Variants in NCAM2 observed in about 807,000 individuals in gnomAD.
NCAM2 encodes the protein neural cell adhesion molecule 2.
A neutral mutation model predicts 98.1 loss-of-function variants in NCAM2; 30 were observed. The ratio of observed to expected loss-of-function variants is 0.31; its 90% CI spans 0.23 to 0.41. NCAM2 has a LOEUF of 0.41. NCAM2 is among the 10% of genes least tolerant of loss of function. The pLI is 1.00. For missense variants in NCAM2, 867 were observed against 1,005.8 expected (o/e 0.86, Z 1.87); for synonymous variants, 368 against 342.4 (o/e 1.07, Z -0.83).
intron 1 of NCAM2, among the ~76,000 whole-genome samples, chr21:21,194,692 T>G (rs1012799176): frequency 1.3e-5 from 2 of 152,176 alleles, no homozygotes; most frequent in Non-Finnish European, 2.9e-5. Context: ...TTTTATTTTG[T>G]ATTTTTAAAT....
chr21:21,187,610 G>A (rs1261709867), intron 1 of NCAM2, among the ~76,000 whole-genome samples: 8 of 152,160 alleles, frequency 5.3e-5, no homozygotes, highest in African/African-American at 1.9e-4. Context: ...TAAAGGAACA[G>A]TTAAATAAAT....
In NCAM2 at chr21:21,152,658, G is replaced by T. The variant is rs138379721; in HGVS notation, c.56-127920G>T. The stretch of plus-strand genomic sequence containing the variant: ...TACTTCACCGTTTTGGGTTTTTTGG[G>T]GTCTGTATTGAATATTCCAGTTACT... On this transcript the variant is annotated intron_variant, in intron 1 of 17. Transcript: ENST00000400546. Among the ~76,000 whole-genome samples the T allele has an allele frequency of 3.4e-3, 517 of 151,722 alleles. 3 individuals carry two copies. Among genetic ancestry groups the T allele is most frequent in the Non-Finnish European group, 4.8e-3 (323 of 67,818 alleles).
intron 13 of NCAM2, among the ~76,000 whole-genome samples, chr21:21,467,424 CTT>C (rs1315875619): frequency 7.7e-5 from 10 of 130,490 alleles, no homozygotes; most frequent in African/African-American, 2.9e-4. Flanking sequence ...ATATATATAT[CTT>C]TTTATATATA....
At chr21:21,249,548 A>T (rs1046014618) in intron 1 of NCAM2, among the ~76,000 whole-genome samples, 2 of 152,168 alleles carry the variant, frequency 1.3e-5, no homozygotes, top group Non-Finnish European at 2.9e-5. Context: ...GCCACCGTGT[A>T]CTTCAGTCAA....
intron 1 of NCAM2, among the ~76,000 whole-genome samples, chr21:21,101,165 C>T (rs144291870): frequency 9.1e-4 from 139 of 151,924 alleles, no homozygotes; most frequent in African/African-American, 2.7e-3. Context: ...TAATTTTCAC[C>T]TTAGATTTAT....
chr21:21,270,134 A>G (rs562487011), intron 1 of NCAM2, among the ~76,000 whole-genome samples: 13 of 152,276 alleles, frequency 8.5e-5, no homozygotes, highest in African/African-American at 2.6e-4. Flanking sequence ...ATCTTACACT[A>G]TGTTCTATGT....
intron 1 of NCAM2, among the ~76,000 whole-genome samples, chr21:21,228,172 G>T (rs73316755): frequency 0.019 from 2,941 of 151,614 alleles, 96 homozygotes; most frequent in African/African-American, 0.067. Context: ...GCCAATTATG[G>T]TCTCACTAGT....
chr21:21,196,707 A>T (rs2092678017), intron 1 of NCAM2, among the ~76,000 whole-genome samples: 1 of 152,188 alleles, frequency 6.6e-6, no homozygotes, highest in African/African-American at 2.4e-5. Flanking sequence ...CCTCTGAAAA[A>T]TCAAATTTAA....
chr21:21,187,379 C>A (rs1465112648), intron 1 of NCAM2, among the ~76,000 whole-genome samples: 1 of 152,076 alleles, frequency 6.6e-6, no homozygotes, highest in African/African-American at 2.4e-5. Context: ...GCACCACATA[C>A]TTTTTAACGT....
intron 1 of NCAM2, among the ~76,000 whole-genome samples, chr21:21,268,710 AGGGATG>A (rs1026161018): frequency 1.1e-4 from 16 of 152,320 alleles, no homozygotes; most frequent in Admixed American, 1.0e-3. Context: ...TCATCGGAGA[AGGGATG>A]GACTGTTTGT....
At chr21:21,292,301 A>T (rs780979777) in intron 5 of NCAM2, 60 bp downstream of exon 5, 362 of 1,519,462 alleles carry the variant, frequency 2.4e-4, no homozygotes, top group Non-Finnish European at 3.1e-4. Context: ...TTTTTTATTA[A>T]ATGGCAACCA....
At chr21:21,148,502 G>C (rs745792017) in intron 1 of NCAM2, among the ~76,000 whole-genome samples, 7 of 152,152 alleles carry the variant, frequency 4.6e-5, no homozygotes, top group Non-Finnish European at 1.0e-4. Context: ...TGTTAAAGTG[G>C]AGATTTTAAA....
At chr21:21,445,291 G>A (rs1979936696) in intron 12 of NCAM2, among the ~76,000 whole-genome samples, 1 of 152,152 alleles carries the variant, frequency 6.6e-6, no homozygotes, top group Admixed American at 6.6e-5. Context: ...ATATGGAACT[G>A]AGAAGAATGA....
intron 16 of NCAM2, among the ~76,000 whole-genome samples, chr21:21,517,092 C>A (rs1988754475): frequency 6.6e-6 from 1 of 152,104 alleles, no homozygotes; most frequent in African/African-American, 2.4e-5. Context: ...AGAGTGATTA[C>A]TCCCAAATTA....
chr21:21,112,081 A>G (rs2066465455), intron 1 of NCAM2, among the ~76,000 whole-genome samples: 2 of 152,130 alleles, frequency 1.3e-5, no homozygotes, highest in South Asian at 4.1e-4. Context: ...AATTATGATA[A>G]TTCTTTCATA....
chr21:21,290,796 T>A (rs982539264), intron 4 of NCAM2, among the ~76,000 whole-genome samples: 6 of 151,920 alleles, frequency 3.9e-5, no homozygotes, highest in Middle Eastern at 3.4e-3. Context: ...TAGCCCCGAC[T>A]TCTCCCCTCT....
intron 14 of NCAM2, among the ~76,000 whole-genome samples, chr21:21,471,242 A>G (rs1984404195): frequency 6.6e-6 from 1 of 152,004 alleles, no homozygotes; most frequent in Non-Finnish European, 1.5e-5. Flanking sequence ...TTTCATCATT[A>G]AAATACTCTA....
At chr21:21,161,775 G>A (rs2067793944) in intron 1 of NCAM2, among the ~76,000 whole-genome samples, 2 of 151,956 alleles carry the variant, frequency 1.3e-5, no homozygotes, top group South Asian at 4.1e-4. Flanking sequence ...GTAATTAGAA[G>A]AGCTAGGGAG....
chr21:21,518,337 C>T (rs1376205187), intron 16 of NCAM2, among the ~76,000 whole-genome samples: 1 of 152,018 alleles, frequency 6.6e-6, no homozygotes, highest in African/African-American at 2.4e-5. Context: ...AAACAAAATG[C>T]AAACTGCATA....
Sources: allele counts gnomAD v4.1 joint callset (sites outside exome capture counted in the v4.1 genomes callset), GRCh38; gene constraint gnomAD v4.1.1; transcripts MANE v1.5; gene names NCBI Gene and HGNC (gene_info 2026-07-23, HGNC 2026-07-21).